Variants in CEP63 observed in about 807,000 individuals in gnomAD.
CEP63 encodes the protein centrosomal protein 63, also known as centrosomal protein of 63 kDa.
Under a neutral mutation model 89.1 loss-of-function variants are expected in CEP63, and 84 were observed. That is an observed-to-expected ratio of 0.94 (90% CI 0.79 to 1.13). CEP63 has a LOEUF of 1.13. Ranked by LOEUF, CEP63 falls within the 50% of genes most tolerant of loss-of-function variation. CEP63 has a pLI of 0.00. For missense variants in CEP63, 838 were observed against 813.3 expected (o/e 1.03, Z -0.37); for synonymous variants, 267 against 272.5 (o/e 0.98, Z 0.20).
At chr3:134,677,872 G>A in the CEP63 span, among the ~76,000 whole-genome samples, 6 of 151,834 alleles carry the variant, frequency 4.0e-5, no homozygotes, top group Admixed American at 1.3e-4. Flanking sequence ...AAGTCACGCC[G>A]TGTCCCAAGT....
At chr3:134,738,194 G>A in the CEP63 span, among the ~76,000 whole-genome samples, 2 of 151,484 alleles carry the variant, frequency 1.3e-5, no homozygotes, top group Non-Finnish European at 2.9e-5. Context: ...TCTTGTCCAG[G>A]TCACTGGAAA....
At chr3:134,749,628 G>A in the CEP63 span, among the ~76,000 whole-genome samples, 1 of 134,294 alleles carries the variant, frequency 7.4e-6, no homozygotes, top group Non-Finnish European at 1.5e-5. Flanking sequence ...GAGCTGTACA[G>A]AGAGACTCAT....
chr3:134,604,073 C>T, the CEP63 span: 17 of 1,613,748 alleles, frequency 1.1e-5, no homozygotes, highest in South Asian at 2.2e-5. Context: ...CCATCATCCC[C>T]GTGGAGGGAA....
intron 1 of CEP63, among the ~76,000 whole-genome samples, chr3:134,494,604 G>T (rs1939088702): frequency 6.6e-6 from 1 of 152,168 alleles, no homozygotes; most frequent in African/African-American, 2.4e-5. Context: ...CTCTGCAGCT[G>T]CAGAGATGAA....
chr3:134,539,990 T>C (rs1408111665), intron 6 of CEP63, among the ~76,000 whole-genome samples: 1 of 152,188 alleles, frequency 6.6e-6, no homozygotes, highest in East Asian at 1.9e-4. Flanking sequence ...TCATGTACTT[T>C]TGATAGGAAA....
chr3:134,701,229 C>T, the CEP63 span, among the ~76,000 whole-genome samples: 7 of 137,176 alleles, frequency 5.1e-5, no homozygotes, highest in African/African-American at 8.6e-5. Flanking sequence ...TGTATATATA[C>T]GTATATATAC....
the CEP63 span, among the ~76,000 whole-genome samples, chr3:134,670,546 T>C: frequency 1.3e-5 from 2 of 152,198 alleles, no homozygotes; most frequent in African/African-American, 4.8e-5. Context: ...TGAGAATAAA[T>C]GGTAAATTCC....
At chr3:134,752,832 G>A in the CEP63 span, among the ~76,000 whole-genome samples, 1 of 152,090 alleles carries the variant, frequency 6.6e-6, no homozygotes, top group Non-Finnish European at 1.5e-5. Flanking sequence ...GGCCACACTG[G>A]ACCCTGAACT....
the CEP63 span, among the ~76,000 whole-genome samples, chr3:134,770,003 C>G: frequency 1.3e-5 from 2 of 152,226 alleles, no homozygotes; most frequent in Non-Finnish European, 1.5e-5. Flanking sequence ...CCTGTCATTG[C>G]ATTGGTGTGC....
chr3:134,542,494 A>G (rs897119008), intron 6 of CEP63, among the ~76,000 whole-genome samples: 1 of 152,178 alleles, frequency 6.6e-6, no homozygotes, highest in African/African-American at 2.4e-5. Flanking sequence ...TGTGGCCTGC[A>G]CTGGCGCATT....
At chr3:134,611,584 T>C in the CEP63 span, among the ~76,000 whole-genome samples, 1 of 152,380 alleles carries the variant, frequency 6.6e-6, no homozygotes, top group South Asian at 2.1e-4. Flanking sequence ...GTGTAATAGA[T>C]ACACAACCTG....
At chr3:134,540,425 G>T (rs1951768453) in intron 6 of CEP63, among the ~76,000 whole-genome samples, 1 of 151,916 alleles carries the variant, frequency 6.6e-6, no homozygotes, top group South Asian at 2.1e-4. Flanking sequence ...ATTTTCTTAG[G>T]AAATGGCCCT....
chr3:134,604,745 T>C, the CEP63 span, among the ~76,000 whole-genome samples: 1 of 152,172 alleles, frequency 6.6e-6, no homozygotes, highest in Non-Finnish European at 1.5e-5. Flanking sequence ...AAGGGGCCTC[T>C]AGAAAAATTT....
rs533263292 is a variant in CEP63 at position 134,490,919 on chromosome 3, A to C, written c.-25-4377A>C. 3.3e-5 allele frequency among the ~76,000 whole-genome samples: 5 copies of C among 152,272 alleles called. No individual in the cohort carries two copies. The East Asian group carries it at 7.7e-4, about 23-fold the overall frequency. On this transcript the variant is annotated intron_variant, in intron 1 of 14. Transcript: ENST00000675561. ...TCCTTAGGAGTATGTAGAGATTGTT[A>C]TTCCTTTTTACAGTTTCGTAGTACT...
At chr3:134,624,378 C>G in the CEP63 span, among the ~76,000 whole-genome samples, 1 of 152,224 alleles carries the variant, frequency 6.6e-6, no homozygotes, top group Non-Finnish European at 1.5e-5. Flanking sequence ...ACCATCCACT[C>G]ATTATTTCAA....
the CEP63 span, among the ~76,000 whole-genome samples, chr3:134,663,697 C>A: frequency 5.3e-5 from 5 of 95,098 alleles, no homozygotes; most frequent in Non-Finnish European, 1.2e-4. Flanking sequence ...CCCTGGCATG[C>A]GGGGCCCCAG....
the CEP63 span, chr3:134,600,691 T>C: frequency 6.6e-6 from 1 of 152,226 alleles, no homozygotes; most frequent in Non-Finnish European, 1.5e-5. Flanking sequence ...TTCCAATCCT[T>C]CAATGGTATA....
At chr3:134,649,969 G>A in the CEP63 span, among the ~76,000 whole-genome samples, 3 of 152,200 alleles carry the variant, frequency 2.0e-5, no homozygotes, top group Non-Finnish European at 4.4e-5. Flanking sequence ...CTGGCCCGCA[G>A]TCCGCCTAGT....
rs867511906 is a variant in CEP63, at chr3:134,550,788, G to A, written c.1380+528G>A. Among the ~76,000 whole-genome samples the A allele has an allele frequency of 2.6e-5, 4 of 152,290 alleles. No individual in the cohort carries two copies. The South Asian group carries it at 8.3e-4, about 32-fold the overall frequency. ...CAGTAGGGAATGGCTGCAAGCAGGA[G>A]TAAAATTCAGTGGTCCTTAAATGGA... On this transcript the variant is annotated intron_variant, in intron 11 of 14. Transcript: ENST00000675561.
Sources: allele counts gnomAD v4.1 joint callset (sites outside exome capture counted in the v4.1 genomes callset), GRCh38; gene constraint gnomAD v4.1.1; transcripts MANE v1.5; gene names NCBI Gene and HGNC (gene_info 2026-07-23, HGNC 2026-07-21).